The following PCDH11X variants were observed in gnomAD, a reference collection of about 807,000 sequenced individuals.
The protein encoded by PCDH11X is protocadherin-11 X-linked.
Under a neutral mutation model 53.3 loss-of-function variants are expected in PCDH11X, and 18 were observed. That is an observed-to-expected ratio of 0.34 (90% CI 0.23 to 0.50). PCDH11X has a LOEUF of 0.50. Ranked by LOEUF, PCDH11X falls within the 20% of genes least tolerant of loss-of-function variation. PCDH11X has a pLI of 0.98. For synonymous variants in PCDH11X, 279 were observed against 393.3 expected (o/e 0.71, Z 3.44); for missense variants, 570 against 1,032.4 (o/e 0.55, Z 6.14).
At chrX:92,269,948 C>T (rs1490525803) in intron 8 of PCDH11X, among the ~76,000 whole-genome samples, 1 of 110,767 alleles carries the variant, frequency 9.0e-6, no homozygotes, top group African/African-American at 3.3e-5. Context: ...ATATTTTAAC[C>T]ACTGCTTTTC....
intron 6 of PCDH11X, among the ~76,000 whole-genome samples, chrX:92,168,294 C>A (rs1289781776): frequency 9.1e-6 from 1 of 110,263 alleles, no homozygotes; most frequent in African/African-American, 3.3e-5. Context: ...GGTGATGGCT[C>A]ACACCTGTAA....
chrX:91,992,008 C>T (rs2062336364), intron 6 of PCDH11X, among the ~76,000 whole-genome samples: 1 of 108,552 alleles, frequency 9.2e-6, no homozygotes, highest in Non-Finnish European at 1.9e-5. Context: ...TGCTTTTTTG[C>T]GTATTGTATA....
intron 5 of PCDH11X, among the ~76,000 whole-genome samples, chrX:91,848,185 A>C (rs1937795475): frequency 9.4e-6 from 1 of 106,584 alleles, no homozygotes; most frequent in South Asian, 4.2e-4. Context: ...GGTTTTTGTA[A>C]GAGAGGAATT....
chrX:92,173,312 G>T (rs2065851932), intron 6 of PCDH11X, among the ~76,000 whole-genome samples: 1 of 111,665 alleles, frequency 9.0e-6, no homozygotes. Flanking sequence ...CCAAAGACCT[G>T]CTCAACCATG....
In PCDH11X at chrX:92,216,254, G is replaced by A. The variant is rs771652836; in HGVS notation, c.3114+14799G>A. ...AGGCTTCAGATGATCAAACTACTCC[G>A]AGCTACAGGAGGAAATTCAAACCAA... On this transcript the variant is annotated intron_variant, in intron 7 of 10. Transcript: ENST00000682573. 1.3e-3 allele frequency among the ~76,000 whole-genome samples: 146 copies of A among 110,717 alleles called. 1 individual carries two copies. The East Asian group carries it at 0.015, about 12-fold the overall frequency.
chrX:92,183,541 G>A (rs1377838304), intron 6 of PCDH11X, among the ~76,000 whole-genome samples: 1 of 112,002 alleles, frequency 8.9e-6, no homozygotes, highest in Non-Finnish European at 1.9e-5. Context: ...GTGCCTGGCT[G>A]AGAAACCTTT....
intron 9 of PCDH11X, among the ~76,000 whole-genome samples, chrX:92,400,243 A>C (rs1186990271): frequency 9.0e-6 from 1 of 111,714 alleles, no homozygotes; most frequent in Non-Finnish European, 1.9e-5. Flanking sequence ...TGCGCTGTCA[A>C]CTAATCAAGT....
chrX:92,310,608 C>T (rs1485210983), intron 8 of PCDH11X, among the ~76,000 whole-genome samples: 1 of 109,836 alleles, frequency 9.1e-6, no homozygotes, highest in East Asian at 2.9e-4. Flanking sequence ...AGTCTGGTCT[C>T]GAACTCCTGA....
At position 92,622,545 on chromosome X, in the gene PCDH11X, T is replaced by C. The variant is rs1928587443; in HGVS notation, c.*3605T>C. 1.8e-5 allele frequency: 2 copies of C among 111,183 alleles called. No individual in the cohort carries two copies. Among genetic ancestry groups the C allele is most frequent in the Non-Finnish European group, 3.8e-5 (2 of 52,890 alleles). The allele number at this position is 111,183 out of a possible 1,213,427, so 9.2% of individuals were successfully genotyped here. A position where few individuals can be genotyped will look rare whatever the true frequency, so the allele number is the denominator to read the frequency against. On this transcript the variant is annotated 3_prime_UTR_variant, in exon 11 of 11. Transcript: ENST00000682573. ...AATTATTATTTCTTATCTTTCTTCTTTTATATTTTTTGGAAACCAAATTTA... is the reference window on the plus strand; with the variant it reads ...AATTATTATTTCTTATCTTTCTTCTCTTATATTTTTTGGAAACCAAATTTA...
At chrX:92,109,031 A>C (rs1381731727) in intron 6 of PCDH11X, among the ~76,000 whole-genome samples, 1 of 111,173 alleles carries the variant, frequency 9.0e-6, no homozygotes, top group Non-Finnish European at 1.9e-5. Flanking sequence ...CTGGAGTTTT[A>C]TTATTACTCA....
intron 6 of PCDH11X, among the ~76,000 whole-genome samples, chrX:92,012,171 A>G (rs2062703151): frequency 9.1e-6 from 1 of 109,467 alleles, no homozygotes; most frequent in Admixed American, 9.9e-5. Context: ...AATACATAGA[A>G]CAGATGTGTG....
chrX:92,134,699 A>G (rs1329242354), intron 6 of PCDH11X, among the ~76,000 whole-genome samples: 1 of 111,235 alleles, frequency 9.0e-6, no homozygotes, highest in Admixed American at 9.7e-5. Flanking sequence ...TATGCTAAAC[A>G]AATGGTGGGT....
chrX:91,785,367 A>C (rs1376024778), intron 1 of PCDH11X, among the ~76,000 whole-genome samples: 3 of 108,207 alleles, frequency 2.8e-5, no homozygotes, highest in Non-Finnish European at 5.7e-5. Flanking sequence ...ACATACAGTT[A>C]CCAATCTTCA....
At chrX:92,079,491 G>T (rs1484115560) in intron 6 of PCDH11X, among the ~76,000 whole-genome samples, 1 of 110,775 alleles carries the variant, frequency 9.0e-6, no homozygotes, top group Non-Finnish European at 1.9e-5. Context: ...CCTTGAATGG[G>T]ATTTAAATCC....
At chrX:92,034,689 A>G (rs1357704524) in intron 6 of PCDH11X, among the ~76,000 whole-genome samples, 2 of 109,828 alleles carry the variant, frequency 1.8e-5, no homozygotes, top group East Asian at 5.8e-4. Flanking sequence ...TGCTTTTTTT[A>G]TCCATTCAGC....
intron 6 of PCDH11X, among the ~76,000 whole-genome samples, chrX:92,110,435 G>T (rs1411230471): frequency 1.9e-5 from 2 of 107,775 alleles, no homozygotes; most frequent in South Asian, 8.5e-4. Flanking sequence ...AATTAAGGAT[G>T]CACCCGGGAG....
At chrX:91,843,109 T>C (rs1937549713) in intron 5 of PCDH11X, among the ~76,000 whole-genome samples, 1 of 105,901 alleles carries the variant, frequency 9.4e-6, no homozygotes, top group African/African-American at 3.4e-5. Context: ...ATTTAATGAG[T>C]GCTCAATGTA....
intron 6 of PCDH11X, among the ~76,000 whole-genome samples, chrX:92,115,022 T>C (rs1361021134): frequency 9.1e-6 from 1 of 109,972 alleles, no homozygotes; most frequent in Non-Finnish European, 1.9e-5. Context: ...TTGGTCAGGC[T>C]GGTCTCAAAT....
At chrX:92,487,042 T>G (rs753375224) in intron 10 of PCDH11X, among the ~76,000 whole-genome samples, 17 of 94,329 alleles carry the variant, frequency 1.8e-4, no homozygotes, top group Non-Finnish European at 2.3e-4. Context: ...CTGAGAAATA[T>G]GCTTCCTTTT....
Sources: allele counts gnomAD v4.1 joint callset (sites outside exome capture counted in the v4.1 genomes callset), GRCh38; gene constraint gnomAD v4.1.1; transcripts MANE v1.5; gene names NCBI Gene and HGNC (gene_info 2026-07-23, HGNC 2026-07-21).